ALG3: variants seen among roughly 807,000 people sequenced by gnomAD.
ALG3 encodes the protein dol-P-Man:Man(5)GlcNAc(2)-PP-Dol alpha-1,3-mannosyltransferase.
In ALG3, 39 loss-of-function variants were observed where a neutral mutation model predicts 50.5. The observed-to-expected ratio is 0.77, with a 90% CI of 0.60 to 1.01. The LOEUF is 1.01. Among genes scored for constraint, ALG3 ranks in the 50% least tolerant of loss-of-function variants. The probability of loss-of-function intolerance (pLI) is 0.00; values close to 1 mark genes in which losing one functional copy is unlikely to be tolerated. For synonymous variants in ALG3, 252 were observed against 237.2 expected (o/e 1.06, Z -0.58); for missense variants, 520 against 554.8 (o/e 0.94, Z 0.63).
chr3:184,246,801 C>T (rs760908332), intron 1 of ALG3, among the ~76,000 whole-genome samples: 6 of 151,952 alleles, frequency 3.9e-5, no homozygotes, highest in African/African-American at 1.2e-4. Flanking sequence ...CTCAGTCTCC[C>T]GAGTAGCTGG....
intron 1 of ALG3, among the ~76,000 whole-genome samples, chr3:184,246,887 G>A (rs971995395): frequency 2.0e-5 from 3 of 151,814 alleles, no homozygotes; most frequent in African/African-American, 7.3e-5. Flanking sequence ...GTTTCACCGT[G>A]TTGGCCAGGC....
chr3:184,245,637 G>A (rs1433851615), intron 2 of ALG3, 22 bp from the exon 3 acceptor site: 20 of 1,611,772 alleles, frequency 1.2e-5, no homozygotes, highest in Non-Finnish European at 1.5e-5. Flanking sequence ...GAGAAAATGT[G>A]AGCCTGGGTC....
At chr3:184,247,119 G>A (rs2108443328) in intron 1 of ALG3, among the ~76,000 whole-genome samples, 1 of 152,014 alleles carries the variant, frequency 6.6e-6, no homozygotes, top group South Asian at 2.1e-4. Context: ...GGCCAGGCTG[G>A]TGTTGAACTC....
At position 184,243,958 on chromosome 3, in the gene ALG3, G is replaced by A. The variant is rs760884155; in HGVS notation, c.765C>T (p.Ser255=). The change falls in exon 6 of 9, where the codon AGC becomes AGT. Residue 255 remains serine (S), a synonymous_variant. Coordinates refer to ENST00000397676, the MANE Select transcript of ALG3 (RefSeq NM_005787.6). ...GGTCAAAGGAGCGGGACAGGTAGCC[G>A]CTGGGGTTCTCCAGCAGGAAGGGCA... ...LGLPFLLENP[S]GYLSRSFDLG... is the part of the protein sequence containing the mutation. The A allele has an allele frequency of 5.0e-5, 81 of 1,613,502 alleles. No individual in the cohort carries two copies. Among genetic ancestry groups the A allele is most frequent in the Non-Finnish European group, 6.5e-5 (77 of 1,179,876 alleles).
chr3:184,247,298 C>T (rs1339409422), intron 1 of ALG3, among the ~76,000 whole-genome samples: 1 of 140,834 alleles, frequency 7.1e-6, no homozygotes, highest in Admixed American at 7.1e-5. Flanking sequence ...CCCAGTCTAA[C>T]TGAATTTTTT....
chr3:184,244,877 G>A (rs1244275013), intron 4 of ALG3, 156 bp from the exon 5 acceptor site: 8 of 1,114,060 alleles, frequency 7.2e-6, no homozygotes, highest in East Asian at 2.6e-5. Context: ...CTGTTGGAGG[G>A]AAGAGCCTGG....
At chr3:184,249,268 C>T (rs1296891491), upstream of ALG3, 1 of 1,611,538 alleles carries the variant, frequency 6.2e-7, no homozygotes. Flanking sequence ...TTCGCCTGCG[C>T]TGGGAACATC....
chr3:184,246,199 A>G (rs1248193308), intron 1 of ALG3, among the ~76,000 whole-genome samples: 1 of 152,190 alleles, frequency 6.6e-6, no homozygotes, highest in African/African-American at 2.4e-5. Flanking sequence ...CTCTGCTACT[A>G]CATACTCAAA....
rs1212790645 is a variant in ALG3 at position 184,245,524 on chromosome 3, C to A, written c.388G>T (p.Val130Leu). Reference sequence around the variant, plus strand: ...AGCAGCAAGGTAGCCAGGTAGAGCACAGCAAAGATGTTCTGGGCCATGCGG... The same window carrying A: ...AGCAGCAAGGTAGCCAGGTAGAGCAAAGCAAAGATGTTCTGGGCCATGCGG... ...DIRMAQNIFA[V>L]LYLATLLLVF... Residue 130 changes from valine (V) to leucine (L), a missense_variant, in exon 3 of 9, where the codon GTG (valine) becomes TTG (leucine). Coordinates refer to ENST00000397676, the MANE Select transcript of ALG3 (RefSeq NM_005787.6). The A allele has an allele frequency of 6.2e-7, 1 of 1,613,984 alleles. No homozygotes were observed. The highest frequency in any genetic ancestry group is 8.5e-7 in the Non-Finnish European group (1 of 1,179,888).
At chr3:184,244,941 T>C (rs1292382704) in intron 4 of ALG3, 2 of 733,488 alleles carry the variant, frequency 2.7e-6, no homozygotes, top group Middle Eastern at 3.8e-4. Context: ...CGAATGAGCA[T>C]ATACTGAGTA....
chr3:184,246,869 GA>G (rs1347458432), intron 1 of ALG3, among the ~76,000 whole-genome samples: 1 of 151,828 alleles, frequency 6.6e-6, no homozygotes, highest in Non-Finnish European at 1.5e-5. Flanking sequence ...ATTTTTAGTA[GA>G]GATGGGGTTT....
intron 4 of ALG3, 197 bp downstream of exon 4, chr3:184,245,001 G>T: frequency 1.2e-6 from 1 of 819,686 alleles, no homozygotes; most frequent in Non-Finnish European, 2.0e-6. Context: ...CTGGGAGGAA[G>T]ACAGGATGGA....
chr3:184,242,737 C>T, intron 8 of ALG3, 61 bp from the exon 9 acceptor site: 1 of 1,588,886 alleles, frequency 6.3e-7, no homozygotes, highest in East Asian at 2.2e-5. Context: ...ACCTGCAGCT[C>T]CTCATGCCCT....
At chr3:184,246,665 G>C (rs1217043647) in intron 1 of ALG3, among the ~76,000 whole-genome samples, 1 of 150,968 alleles carries the variant, frequency 6.6e-6, no homozygotes, top group African/African-American at 2.4e-5. Flanking sequence ...TTCCTCAAAG[G>C]AACCAGGCTG....
upstream of ALG3, chr3:184,249,257 C>T (rs1357659025): frequency 6.2e-7 from 1 of 1,612,524 alleles, no homozygotes; most frequent in Non-Finnish European, 8.5e-7. Context: ...CAGCATTCTC[C>T]TTCGCCTGCG....
upstream of ALG3, chr3:184,248,998 C>T: frequency 5.2e-6 from 8 of 1,543,440 alleles, no homozygotes; most frequent in Non-Finnish European, 6.1e-6. Flanking sequence ...ACCTTCGACA[C>T]TTAGGTTCCG....
intron 1 of ALG3, among the ~76,000 whole-genome samples, chr3:184,246,471 T>C (rs1719155699): frequency 1.3e-5 from 2 of 152,218 alleles, no homozygotes; most frequent in South Asian, 4.1e-4. Flanking sequence ...TGGCTTAAGA[T>C]AATTGAGCTA....
chr3:184,246,772 G>A (rs2090341374), intron 1 of ALG3, among the ~76,000 whole-genome samples: 1 of 151,894 alleles, frequency 6.6e-6, no homozygotes, highest in African/African-American at 2.4e-5. Context: ...CGCCTCCCGG[G>A]TTCAAGTGAT....
At chr3:184,244,367 G>C (rs915017921) in intron 5 of ALG3, 4 of 566,220 alleles carry the variant, frequency 7.1e-6, no homozygotes, top group Non-Finnish European at 1.2e-5. Context: ...AACCCAGCAA[G>C]AGCCCATCTC....
Sources: gnomAD v4.1 joint callset for allele counts (sites outside exome capture counted in the v4.1 genomes callset) on GRCh38, gnomAD v4.1.1 for gene constraint, MANE v1.5 for transcripts, NCBI Gene and HGNC (gene_info 2026-07-23, HGNC 2026-07-21) for gene names.